CCDC170: variants seen among roughly 807,000 people sequenced by gnomAD.
The protein encoded by CCDC170 is coiled-coil domain containing 170.
Under a neutral mutation model 72.6 loss-of-function variants are expected in CCDC170, and 69 were observed. That is an observed-to-expected ratio of 0.95 (90% CI 0.78 to 1.16). CCDC170 has a LOEUF of 1.16. CCDC170 is among the 50% of genes most tolerant of loss of function. The pLI, the probability that CCDC170 is intolerant of heterozygous loss-of-function variation, is 0.00. For synonymous variants in CCDC170, 300 were observed against 303.9 expected (o/e 0.99, Z 0.13); for missense variants, 852 against 832.5 (o/e 1.02, Z -0.29).
At chr6:151,501,898 T>C (rs1781999597) in intron 1 of CCDC170, among the ~76,000 whole-genome samples, 1 of 152,246 alleles carries the variant, frequency 6.6e-6, no homozygotes, top group African/African-American at 2.4e-5. Context: ...GAATTATTTA[T>C]GCTATGCTCT....
At chr6:151,588,491 G>A (rs1207795098) in intron 7 of CCDC170, among the ~76,000 whole-genome samples, 1 of 152,230 alleles carries the variant, frequency 6.6e-6, no homozygotes, top group Non-Finnish European at 1.5e-5. Flanking sequence ...AGATAGTCCA[G>A]TTCAGACTAG....
In CCDC170 at chr6:151,596,550, C is replaced by T. The variant is rs1776628334; in HGVS notation, c.1683C>T (p.Ala561=). Reference sequence around the variant, plus strand: ...GAGACTTGCACACCGAGCTCAAAGCCAAACTGGCCGACACCAATGAACTGA... The same window carrying T: ...GAGACTTGCACACCGAGCTCAAAGCTAAACTGGCCGACACCAATGAACTGA... ...TCRDLHTELK[A]KLADTNELKI... The change falls in exon 9 of 11, where the codon GCC becomes GCT. Residue 561 remains alanine, a synonymous_variant. Coordinates refer to ENST00000239374, the MANE Select transcript of CCDC170 (RefSeq NM_025059.4). The T allele has an allele frequency of 1.2e-6, 2 of 1,613,960 alleles. No homozygotes were observed. Among genetic ancestry groups the T allele is most frequent in the African/African-American group, 1.3e-5 (1 of 74,904 alleles).
chr6:151,573,055 T>G, intron 5 of CCDC170, 119 bp from the exon 6 acceptor site: 1 of 828,140 alleles, frequency 1.2e-6, no homozygotes, highest in South Asian at 1.8e-5. Flanking sequence ...ATGGAAGGAG[T>G]AATTAACCCA....
chr6:151,531,880 G>A (rs890146110), intron 1 of CCDC170, among the ~76,000 whole-genome samples: 1 of 152,192 alleles, frequency 6.6e-6, no homozygotes, highest in African/African-American at 2.4e-5. Context: ...TCACTACTAT[G>A]AGAACAGGGG....
chr6:151,591,563 C>T (rs750800743), intron 7 of CCDC170, among the ~76,000 whole-genome samples: 11 of 151,790 alleles, frequency 7.2e-5, no homozygotes, highest in South Asian at 2.1e-4. Flanking sequence ...GGTGCAATCT[C>T]GGCTTACTAT....
intron 1 of CCDC170, among the ~76,000 whole-genome samples, chr6:151,496,023 C>G (rs1159410621): frequency 6.6e-6 from 1 of 152,076 alleles, no homozygotes; most frequent in Non-Finnish European, 1.5e-5. Flanking sequence ...TGTCTCCAGT[C>G]TCTTCAAACC....
chr6:151,540,012 C>A (rs1238180583), intron 3 of CCDC170, among the ~76,000 whole-genome samples: 1 of 152,136 alleles, frequency 6.6e-6, no homozygotes, highest in Non-Finnish European at 1.5e-5. Flanking sequence ...TTGTCACTAA[C>A]TTGGTCCAAG....
rs139555129 is a variant in CCDC170, at chr6:151,617,973, G to A, written c.1974G>A (p.Ser658=). The A allele has an allele frequency of 4.0e-4, 640 of 1,613,734 alleles. 3 individuals carry two copies. In the African/African-American group the frequency reaches 7.7e-3, roughly 19 times the overall value. Residue 658 remains serine (S), a synonymous_variant, in exon 11 of 11, where the codon TCG becomes TCA. Transcript: ENST00000239374. ...KQLADFREVV[S]QMLGLNVTSL... ...TGGCAGACTTCAGGGAGGTGGTGTC[G>A]CAGATGCTAGGCTTGAACGTGACCA... is the stretch of plus-strand genomic sequence containing the variant.
At position 151,593,214 on chromosome 6, in the gene CCDC170, G is replaced by C. The variant is rs1044017832; in HGVS notation, c.1401G>C (p.Gln467His). 7 of 1,614,050 alleles carry C rather than the reference G, an allele frequency of 4.3e-6. No individual in the cohort carries two copies. The highest frequency in any genetic ancestry group is 5.9e-6 in the Non-Finnish European group (7 of 1,180,030). The change falls in exon 8 of 11, where the codon CAG (glutamine) becomes CAC (histidine). Residue 467 changes from glutamine to histidine, a missense_variant. By Grantham distance (24) the Gln-to-His change is conservative. Transcript: ENST00000239374. ...ACGTGGTTTTAGCTCGAACAGAGCA[G>C]CTGGTTCGTCTTGAGAGCAATGCAG... ...RLDVVLARTE[Q>H]LVRLESNAVI...
At chr6:151,583,293 T>G (rs111529730) in intron 6 of CCDC170, among the ~76,000 whole-genome samples, 2,364 of 151,890 alleles carry the variant, frequency 0.016, 37 homozygotes, top group Non-Finnish European at 0.023. Context: ...GTGCCTGGCC[T>G]GGAGTAGCAC....
At chr6:151,613,750 A>G (rs1280424021) in intron 9 of CCDC170, among the ~76,000 whole-genome samples, 1 of 152,086 alleles carries the variant, frequency 6.6e-6, no homozygotes, top group African/African-American at 2.4e-5. Flanking sequence ...AGCTGATGGC[A>G]TTTGGGTTGT....
intron 7 of CCDC170, among the ~76,000 whole-genome samples, chr6:151,591,988 G>A (rs903034612): frequency 6.6e-6 from 1 of 152,052 alleles, no homozygotes; most frequent in African/African-American, 2.4e-5. Context: ...AACCTTTGAG[G>A]CCAGGGCCCA....
chr6:151,515,329 C>G (rs1782218947), intron 1 of CCDC170, among the ~76,000 whole-genome samples: 1 of 152,220 alleles, frequency 6.6e-6, no homozygotes, highest in Non-Finnish European at 1.5e-5. Context: ...GTCACCCAGA[C>G]TGAAGTGCAA....
At chr6:151,514,054 A>T (rs1208265370) in intron 1 of CCDC170, among the ~76,000 whole-genome samples, 1 of 151,936 alleles carries the variant, frequency 6.6e-6, no homozygotes, top group Non-Finnish European at 1.5e-5. Context: ...TAAATAAAGC[A>T]AGATGAGCAT....
intron 9 of CCDC170, among the ~76,000 whole-genome samples, chr6:151,599,712 A>G (rs1776675765): frequency 6.6e-6 from 1 of 152,206 alleles, no homozygotes; most frequent in East Asian, 1.9e-4. Context: ...CAAGTACAGC[A>G]GTGCGATAAT....
chr6:151,501,581 AGT>A, intron 1 of CCDC170, among the ~76,000 whole-genome samples: 2 of 152,328 alleles, frequency 1.3e-5, no homozygotes, highest in East Asian at 3.9e-4. Flanking sequence ...TTTAACATTT[AGT>A]TTCTCTTGGT....
chr6:151,549,400 G>C (rs917335396), intron 5 of CCDC170, among the ~76,000 whole-genome samples: 36 of 152,094 alleles, frequency 2.4e-4, no homozygotes, highest in African/African-American at 2.4e-5. Flanking sequence ...TTGTAGAGAA[G>C]ATGTCTTACT....
chr6:151,592,070 G>A (rs1425307688), intron 7 of CCDC170, among the ~76,000 whole-genome samples: 1 of 152,000 alleles, frequency 6.6e-6, no homozygotes, highest in Admixed American at 6.6e-5. Flanking sequence ...TGCTGACAAA[G>A]ACATAGGCTG....
chr6:151,497,762 G>T (rs1220048556), intron 1 of CCDC170, among the ~76,000 whole-genome samples: 3 of 151,806 alleles, frequency 2.0e-5, no homozygotes, highest in Non-Finnish European at 2.9e-5. Flanking sequence ...GCTCACTTGA[G>T]GTCAGGAGTT....
Sources: gnomAD v4.1 joint callset for allele counts (sites outside exome capture counted in the v4.1 genomes callset) on GRCh38, gnomAD v4.1.1 for gene constraint, MANE v1.5 for transcripts, NCBI Gene and HGNC (gene_info 2026-07-23, HGNC 2026-07-21) for gene names.